LIX1: variants seen among roughly 807,000 people sequenced by gnomAD.
The protein encoded by LIX1 is protein limb expression 1 homolog.
Under a neutral mutation model 33.4 loss-of-function variants are expected in LIX1, and 24 were observed. The observed-to-expected ratio is 0.72, with a 90% CI of 0.52 to 1.01. The LOEUF is 1.01. Ranked by LOEUF, LIX1 falls within the 50% of genes least tolerant of loss-of-function variation. The probability of loss-of-function intolerance (pLI) is 0.00; values close to 1 mark genes in which losing one functional copy is unlikely to be tolerated. For missense variants in LIX1, 311 were observed against 339.2 expected (o/e 0.92, Z 0.65); for synonymous variants, 124 against 124.0 (o/e 1.00, Z 0.00).
intron 5 of LIX1, 51 bp downstream of exon 5, chr5:97,096,759 C>T (rs772455797): frequency 8.0e-7 from 1 of 1,252,758 alleles, no homozygotes; most frequent in South Asian, 1.2e-5. Context: ...GATGATAAGC[C>T]ACCTGCTGAG....
At chr5:97,112,643 T>C (rs1242681277) in intron 2 of LIX1, among the ~76,000 whole-genome samples, 1 of 152,152 alleles carries the variant, frequency 6.6e-6, no homozygotes, top group Non-Finnish European at 1.5e-5. Context: ...AAGTCAGCTG[T>C]GAATTTCTCA....
At chr5:97,102,415 G>A in intron 4 of LIX1, among the ~76,000 whole-genome samples, 1 of 152,100 alleles carries the variant, frequency 6.6e-6, no homozygotes, top group Non-Finnish European at 1.5e-5. Context: ...CAGCAGGCAA[G>A]CTAGGGCTGG....
At chr5:97,116,959 T>G (rs552376454) in intron 2 of LIX1, among the ~76,000 whole-genome samples, 1 of 152,328 alleles carries the variant, frequency 6.6e-6, no homozygotes, top group African/African-American at 2.4e-5. Flanking sequence ...ATCATTTCTT[T>G]CACTACATTC....
rs1244574185 is a variant in LIX1 at position 97,142,032 on chromosome 5, AT to A, written c.82+462del. On this transcript the variant is annotated intron_variant, in intron 1 of 5. Coordinates refer to ENST00000274382, the MANE Select transcript of LIX1 (RefSeq NM_153234.5). ...ATCAAAATTTAAAAGTTCAGTGGTG[AT>A]TTACTGTTAATTCTGGTTTGCAACA... Among the ~76,000 whole-genome samples the A allele has an allele frequency of 2.6e-5, 4 of 152,324 alleles. No homozygotes were observed. In the East Asian group the frequency reaches 7.7e-4, roughly 29 times the overall value.
At chr5:97,116,278 A>G (rs1432326089) in intron 2 of LIX1, among the ~76,000 whole-genome samples, 1 of 152,098 alleles carries the variant, frequency 6.6e-6, no homozygotes, top group East Asian at 1.9e-4. Flanking sequence ...ATATATTAAC[A>G]TTTTTTCTCC....
intron 1 of LIX1, among the ~76,000 whole-genome samples, chr5:97,135,594 G>A (rs970402682): frequency 5.5e-4 from 84 of 152,130 alleles, no homozygotes; most frequent in African/African-American, 1.7e-3. Flanking sequence ...CGAGGTGGGC[G>A]GATCACTTGA....
At chr5:97,112,047 C>T (rs1747424619) in intron 2 of LIX1, among the ~76,000 whole-genome samples, 1 of 152,182 alleles carries the variant, frequency 6.6e-6, no homozygotes, top group South Asian at 2.1e-4. Context: ...GCTTTTCTTG[C>T]TATTGTTCTT....
At position 97,092,284 on chromosome 5, in the gene LIX1, G is replaced by A. The variant is rs1170011499; in HGVS notation, c.*2464C>T. The A allele has an allele frequency of 2.6e-5, 4 of 152,194 alleles. No homozygotes were observed. Among genetic ancestry groups the A allele is most frequent in the African/African-American group, 7.2e-5 (3 of 41,392 alleles). 9.4% of individuals were successfully genotyped at this position (152,194 alleles called of 1,614,324 possible). On this transcript the variant is annotated 3_prime_UTR_variant, in exon 6 of 6. Transcript: ENST00000274382. ...CCACAGCTTTTATCAGATTCTCAAA[G>A]GGCTTATAACCAAAAAAGGCTAGGA...
At chr5:97,100,363 C>G (rs936869455) in intron 4 of LIX1, among the ~76,000 whole-genome samples, 3 of 152,080 alleles carry the variant, frequency 2.0e-5, no homozygotes, top group Non-Finnish European at 2.9e-5. Flanking sequence ...TCTCCAGTAA[C>G]ACAACTGCCA....
chr5:97,116,015 G>A (rs1206991019), intron 2 of LIX1, among the ~76,000 whole-genome samples: 4 of 152,144 alleles, frequency 2.6e-5, no homozygotes, highest in Non-Finnish European at 5.9e-5. Flanking sequence ...CTGTCATTCA[G>A]GTGCTTGGGA....
chr5:97,112,755 T>C (rs915806209), intron 2 of LIX1, among the ~76,000 whole-genome samples: 36 of 146,662 alleles, frequency 2.5e-4, no homozygotes, highest in Non-Finnish European at 8.9e-5. Flanking sequence ...TATAAACCAC[T>C]ATAATCATTT....
intron 2 of LIX1, among the ~76,000 whole-genome samples, chr5:97,120,861 G>C (rs1307753101): frequency 1.1e-4 from 16 of 152,106 alleles, no homozygotes; most frequent in Admixed American, 1.0e-3. Flanking sequence ...GCTTATATAA[G>C]AGTTGCAAAG....
intron 1 of LIX1, among the ~76,000 whole-genome samples, chr5:97,128,100 T>C (rs1747974192): frequency 6.6e-6 from 1 of 152,234 alleles, no homozygotes; most frequent in Non-Finnish European, 1.5e-5. Context: ...CTACTAGTTA[T>C]TAAAATGCTC....
chr5:97,115,793 T>C lies in LIX1; in HGVS notation c.247-8293A>G, dbSNP rs367720649. ...AAAAGAACAGTAATGTAATAGCTAA[T>C]GTGACAGATTGTATCTATTTGCAGA... On this transcript the variant is annotated intron_variant, in intron 2 of 5. Transcript: ENST00000274382. 3.3e-5 allele frequency among the ~76,000 whole-genome samples: 5 copies of C among 150,848 alleles called. No homozygotes were observed. In the East Asian group the frequency reaches 9.7e-4, roughly 29 times the overall value.
At chr5:97,117,828 G>C (rs1747673757) in intron 2 of LIX1, among the ~76,000 whole-genome samples, 1 of 151,968 alleles carries the variant, frequency 6.6e-6, no homozygotes. Context: ...TTTAGAGACA[G>C]AGCTTGGCAA....
chr5:97,134,307 G>A (rs139967121), intron 1 of LIX1, among the ~76,000 whole-genome samples: 4,825 of 152,158 alleles, frequency 0.032, 259 homozygotes, highest in African/African-American at 0.099. Flanking sequence ...TTTAGTAGAG[G>A]TGGTGTTTTA....
chr5:97,125,950 G>A (rs764328982), intron 1 of LIX1, among the ~76,000 whole-genome samples: 6 of 152,168 alleles, frequency 3.9e-5, no homozygotes, highest in South Asian at 2.1e-4. Flanking sequence ...CCCAGAGAAC[G>A]GTTCAGTAAA....
chr5:97,092,876 A>G lies in LIX1; in HGVS notation c.*1872T>C, dbSNP rs1242719252. ...AGTAATGGCTTTATGAAAGAAATTA[A>G]CTTTAAATAGAACATTTCCTAAATT... On this transcript the variant is annotated 3_prime_UTR_variant, in exon 6 of 6. Coordinates refer to ENST00000274382, the MANE Select transcript of LIX1 (RefSeq NM_153234.5). 1 of 152,366 alleles carries G rather than the reference A, an allele frequency of 6.6e-6. No individual in the cohort carries two copies. Among genetic ancestry groups the G allele is most frequent in the Non-Finnish European group, 1.5e-5 (1 of 68,034 alleles). The allele number at this position is 152,366 out of a possible 1,614,324, so 9.4% of individuals were successfully genotyped here.
At chr5:97,117,921 GAAA>G (rs3041175) in intron 2 of LIX1, among the ~76,000 whole-genome samples, 1,779 of 140,268 alleles carry the variant, frequency 0.013, 27 homozygotes, top group African/African-American at 0.041. Context: ...GTTACAAATG[GAAA>G]AAAAAAAAAA....
Sources: gnomAD v4.1 joint callset for allele counts (sites outside exome capture counted in the v4.1 genomes callset) on GRCh38, gnomAD v4.1.1 for gene constraint, MANE v1.5 for transcripts, NCBI Gene and HGNC (gene_info 2026-07-23, HGNC 2026-07-21) for gene names.